DCC: variants seen among roughly 807,000 people sequenced by gnomAD.
The protein encoded by DCC is netrin receptor DCC.
In DCC, 58 loss-of-function variants were observed where a neutral mutation model predicts 172.5. The observed-to-expected ratio is 0.34, with a 90% CI of 0.27 to 0.42. DCC has a LOEUF of 0.42. Ranked by LOEUF, DCC falls within the 10% of genes least tolerant of loss-of-function variation. The pLI, the probability that DCC is intolerant of heterozygous loss-of-function variation, is 1.00. For synonymous variants in DCC, 709 were observed against 644.5 expected, an observed-to-expected ratio of 1.10 and a Z score of -1.52; for missense variants, 1,740 against 1,791.0, an observed-to-expected ratio of 0.97 and a Z score of 0.51.
chr18:53,395,582 C>T (rs150522494), intron 17 of DCC, among the ~76,000 whole-genome samples: 1,690 of 152,248 alleles, frequency 0.011, 19 homozygotes, highest in Middle Eastern at 0.027. Flanking sequence ...GATGGAATTT[C>T]ATCTTCCTGA....
In DCC at chr18:52,404,990, G is replaced by A. The variant is rs535741334; in HGVS notation, c.91+64112G>A. 3.8e-3 allele frequency among the ~76,000 whole-genome samples: 575 copies of A among 151,798 alleles called. 7 individuals are homozygous for A. The highest frequency in any genetic ancestry group is 0.013 in the African/African-American group (549 of 41,346). Reference sequence around the variant, plus strand: ...ATCCATGTCCCTACAAAGGACATGAGCTCATCATTTTTTATGGCTGCATAG... The same window carrying A: ...ATCCATGTCCCTACAAAGGACATGAACTCATCATTTTTTATGGCTGCATAG... On this transcript the variant is annotated intron_variant, in intron 1 of 28. Coordinates refer to ENST00000442544, the MANE Select transcript of DCC (RefSeq NM_005215.4).
intron 2 of DCC, among the ~76,000 whole-genome samples, chr18:52,836,529 G>T (rs2038707682): frequency 6.6e-6 from 1 of 152,196 alleles, no homozygotes; most frequent in South Asian, 2.1e-4. Flanking sequence ...AGGAGCTACA[G>T]TCTCCATGCA....
Position 53,526,801 on chromosome 18 carries a change from T to C in DCC, c.4254+42T>C, listed in dbSNP as rs191872020. 4.0e-5 allele frequency: 65 copies of C among 1,610,574 alleles called. No individual in the cohort carries two copies. The African/African-American group carries it at 6.7e-4, about 17-fold the overall frequency. On this transcript the variant is annotated intron_variant, in intron 28 of 28. Transcript: ENST00000442544. The stretch of plus-strand genomic sequence containing the variant: ...AATTCATGCTTCATCAAGGGACAGA[T>C]TGACTGGCGCTGTGTAATAGCATCT...
intron 27 of DCC, among the ~76,000 whole-genome samples, chr18:53,524,747 G>A (rs905038436): frequency 6.6e-6 from 1 of 151,968 alleles, no homozygotes; most frequent in Non-Finnish European, 1.5e-5. Context: ...AAAAACCCAT[G>A]TAAATTGGAT....
At chr18:52,616,683 T>C (rs1376235727) in intron 1 of DCC, among the ~76,000 whole-genome samples, 1 of 152,060 alleles carries the variant, frequency 6.6e-6, no homozygotes, top group Non-Finnish European at 1.5e-5. Flanking sequence ...TATAATCTAG[T>C]AGAGGATATA....
chr18:53,226,934 G>GTATATATA (rs1555734406), intron 12 of DCC, among the ~76,000 whole-genome samples: 12 of 68,130 alleles, frequency 1.8e-4, no homozygotes, highest in African/African-American at 5.6e-4. Context: ...GTGTGTGTGT[G>GTATATATA]TATATATATA....
intron 12 of DCC, among the ~76,000 whole-genome samples, chr18:53,275,756 A>T (rs1445571394): frequency 1.3e-5 from 2 of 152,068 alleles, no homozygotes; most frequent in Non-Finnish European, 2.9e-5. Flanking sequence ...TTGAGAGCTA[A>T]TGTGGTAGTC....
intron 1 of DCC, among the ~76,000 whole-genome samples, chr18:52,660,862 G>T (rs1213961825): frequency 6.6e-6 from 1 of 152,166 alleles, no homozygotes; most frequent in East Asian, 1.9e-4. Flanking sequence ...TATCATGCCA[G>T]CACTTCTAGA....
chr18:52,371,000 C>T (rs775080598), intron 1 of DCC, among the ~76,000 whole-genome samples: 34 of 152,222 alleles, frequency 2.2e-4, no homozygotes, highest in Middle Eastern at 3.4e-3. Context: ...TGGTGGAAAG[C>T]GGGAGTTCAG....
chr18:53,142,363 G>A (rs1002782101), intron 7 of DCC, among the ~76,000 whole-genome samples: 5 of 152,134 alleles, frequency 3.3e-5, no homozygotes, highest in African/African-American at 9.7e-5. Context: ...TTTCACACTG[G>A]CTGATAGATG....
At chr18:53,328,184 T>C (rs1394475871) in intron 14 of DCC, among the ~76,000 whole-genome samples, 1 of 152,208 alleles carries the variant, frequency 6.6e-6, no homozygotes, top group African/African-American at 2.4e-5. Flanking sequence ...AAGTTGCAAG[T>C]ATTTTACTTG....
chr18:53,128,870 C>CACACACACACACAT (rs1300738812), intron 7 of DCC, among the ~76,000 whole-genome samples: 1 of 77,478 alleles, frequency 1.3e-5, no homozygotes, highest in Non-Finnish European at 2.3e-5. Context: ...CACACACACA[C>CACACACACACACAT]ATATATATAT....
intron 5 of DCC, among the ~76,000 whole-genome samples, chr18:52,989,426 G>T (rs1180528750): frequency 1.3e-5 from 2 of 152,054 alleles, no homozygotes; most frequent in African/African-American, 4.8e-5. Flanking sequence ...AGGAGATGGA[G>T]GCAGGAGAAT....
intron 1 of DCC, among the ~76,000 whole-genome samples, chr18:52,394,445 GT>G (rs760727819): frequency 8.9e-4 from 131 of 146,788 alleles, no homozygotes; most frequent in East Asian, 5.6e-3. Context: ...TTTTAAAGTG[GT>G]TTTTTTTTTT....
In DCC at chr18:52,838,490, A is replaced by T. The variant is rs548288787; in HGVS notation, c.413-67554A>T. On this transcript the variant is annotated intron_variant, in intron 2 of 28. Coordinates refer to ENST00000442544, the MANE Select transcript of DCC (RefSeq NM_005215.4). Reference sequence around the variant, plus strand: ...ACTGGCTGTGTCTTTCCCCTAGAAGATGCCGGGGTGTGGTGGGGGAGGGGA... The same window carrying T: ...ACTGGCTGTGTCTTTCCCCTAGAAGTTGCCGGGGTGTGGTGGGGGAGGGGA... 1.2e-3 allele frequency among the ~76,000 whole-genome samples: 189 copies of T among 152,266 alleles called. 1 individual carries two copies. The highest frequency in any genetic ancestry group is 4.5e-3 in the African/African-American group (186 of 41,542).
chr18:53,124,014 C>T (rs2043520166), intron 7 of DCC, among the ~76,000 whole-genome samples: 1 of 152,070 alleles, frequency 6.6e-6, no homozygotes, highest in African/African-American at 2.4e-5. Context: ...GTAACTGAAG[C>T]TTCCCATCCC....
At chr18:52,520,426 A>C (rs2031775742) in intron 1 of DCC, among the ~76,000 whole-genome samples, 1 of 152,208 alleles carries the variant, frequency 6.6e-6, no homozygotes, top group South Asian at 2.1e-4. Flanking sequence ...CTTCTCAGGT[A>C]ATACATACAC....
intron 1 of DCC, among the ~76,000 whole-genome samples, chr18:52,610,040 G>A (rs767754441): frequency 2.6e-4 from 39 of 148,476 alleles, no homozygotes; most frequent in Admixed American, 1.6e-3. Flanking sequence ...AAGACTGGGC[G>A]CGGTGGCTTA....
At chr18:52,866,548 CTCTCT>C (rs1195522183) in intron 2 of DCC, among the ~76,000 whole-genome samples, 1 of 151,900 alleles carries the variant, frequency 6.6e-6, no homozygotes, top group Non-Finnish European at 1.5e-5. Flanking sequence ...CGTTTGTGTC[CTCTCT>C]TATTTCCTTG....
Sources: allele counts gnomAD v4.1 joint callset (sites outside exome capture counted in the v4.1 genomes callset), GRCh38; gene constraint gnomAD v4.1.1; transcripts MANE v1.5; gene names NCBI Gene and HGNC (gene_info 2026-07-23, HGNC 2026-07-21).